The following AKAP9 variants were observed in gnomAD, a reference collection of about 807,000 sequenced individuals.
The protein encoded by AKAP9 is A-kinase anchoring protein 9, also known as A-kinase anchor protein 9.
A neutral mutation model predicts 488.5 loss-of-function variants in AKAP9; 311 were observed. The ratio of observed to expected loss-of-function variants is 0.64; its 90% confidence interval spans 0.58 to 0.70. The LOEUF (loss-of-function observed/expected upper bound fraction) is 0.70, where lower values mean the gene tolerates loss of function less well. Ranked by LOEUF, AKAP9 falls within the 30% of genes least tolerant of loss-of-function variation. The probability of loss-of-function intolerance (pLI) is 0.00; values close to 1 mark genes in which losing one functional copy is unlikely to be tolerated. For missense variants in AKAP9, 4,215 were observed against 4,374.5 expected, an observed-to-expected ratio of 0.96 and a Z score of 1.03; for synonymous variants, 1,462 against 1,483.5, an observed-to-expected ratio of 0.99 and a Z score of 0.33.
At position 92,044,997 on chromosome 7, in the gene AKAP9, T is replaced by C. The variant is rs147857156; in HGVS notation, c.5163-11T>C. 15 of 1,594,154 alleles carry C rather than the reference T, an allele frequency of 9.4e-6. No homozygotes were observed. The East Asian group carries it at 2.5e-4, about 26-fold the overall frequency. ...TTAAACATTTTAATCAGTGCTTCTT[T>C]ATCTATACAGGTATGCACTCCAGAA... On this transcript the variant is annotated splice_polypyrimidine_tract_variant and intron_variant, in intron 20 of 49. Transcript: ENST00000356239.
chr7:92,062,349 G>T lies in AKAP9; in HGVS notation c.5840G>T (p.Arg1947Leu), dbSNP rs762609050. The T allele has an allele frequency of 6.2e-7, 1 of 1,613,862 alleles. No individual in the cohort carries two copies. The highest frequency in any genetic ancestry group is 8.5e-7 in the Non-Finnish European group (1 of 1,179,822). ...QIQEKTDIID[R>L]LEQELLCASN... is the part of the protein sequence containing the mutation. ...CAGGAAAAAACTGATATAATAGATC[G>T]TCTTGAGCAGGAGTTGTTATGTGCA... The change falls in exon 24 of 50, where the codon CGT becomes CTT. Residue 1947 changes from arginine (R) to leucine (L), a missense_variant. Around this residue, in one of 5 missense-constraint regions of AKAP9, gnomAD observed 2,361 missense variants for 2,430.0 expected, o/e 0.97. Transcript: ENST00000356239.
At chr7:92,045,924 C>T (rs1806915258) in intron 21 of AKAP9, among the ~76,000 whole-genome samples, 1 of 147,568 alleles carries the variant, frequency 6.8e-6, no homozygotes, top group South Asian at 2.1e-4. Context: ...ACCTCTGTCT[C>T]CCGGGTTCAA....
chr7:92,001,923 G>A lies in AKAP9; in HGVS notation c.2006G>A (p.Gly669Asp), dbSNP rs570010892. 2 of 1,612,758 alleles carry A rather than the reference G, an allele frequency of 1.2e-6. No individual in the cohort carries two copies. Among genetic ancestry groups the A allele is most frequent in the South Asian group, 2.2e-5 (2 of 90,958 alleles). Residue 669 changes from glycine (G) to aspartate (D), a missense_variant, in exon 8 of 50, where the codon GGT becomes GAT. Around this residue, in one of 5 missense-constraint regions of AKAP9, gnomAD observed 2,361 missense variants for 2,430.0 expected, o/e 0.97. Coordinates refer to ENST00000356239, the MANE Select transcript of AKAP9 (RefSeq NM_005751.5). ...LGIHYKQQID[G>D]LQNEMSQKIE... is the part of the protein sequence containing the mutation. ...ATTCACTATAAACAGCAGATAGATG[G>A]TTTACAGAATGAAATGAGTCAAAAG...
At chr7:92,109,049 GA>G (rs36114838) in intron 49 of AKAP9, 70,805 of 174,784 alleles carry the variant, frequency 0.41, 8,360 homozygotes, top group Middle Eastern at 0.45. Context: ...CTGTCTCAAA[GA>G]AAAAAAAAAA....
At chr7:92,105,511 G>A (rs777319322) in intron 46 of AKAP9, among the ~76,000 whole-genome samples, 167 bp from the exon 47 acceptor site, 6 of 152,034 alleles carry the variant, frequency 3.9e-5, no homozygotes, top group East Asian at 1.9e-4. Flanking sequence ...CTATTCTTCC[G>A]TTCCAGTTGA....
Position 91,995,800 on chromosome 7 carries a change from G to A in AKAP9, c.930G>A (p.Met310Ile), listed in dbSNP as rs768608735. ...AAGAGAAAATTAAAGTATATGAAAT[G>A]GTATGTTTATTTTAAGGAAGTCAGC... ...FLQEKIKVYEMEQDKKVENSN... is the reference protein window; with the variant it reads ...FLQEKIKVYEIEQDKKVENSN... The change falls in exon 7 of 50, where the codon ATG becomes ATA. Residue 310 changes from methionine to isoleucine, a missense_variant and splice_region_variant. Met to Ile is a conservative substitution (Grantham distance 10, BLOSUM62 1). Transcript: ENST00000356239. The A allele has an allele frequency of 2.5e-6, 4 of 1,596,514 alleles. No individual in the cohort carries two copies. In the African/African-American group the frequency reaches 5.4e-5, roughly 21 times the overall value.
Position 92,026,905 on chromosome 7 carries a change from G to A in AKAP9, c.4149-2990G>A, listed in dbSNP as rs560625557. Among the ~76,000 whole-genome samples the A allele has an allele frequency of 2.7e-5, 4 of 146,926 alleles. No individual in the cohort carries two copies. The South Asian group carries it at 6.6e-4, about 24-fold the overall frequency. ...AAGTGAGGAGCATCTCTGCCTGGCC[G>A]CCCATCGTCTGGGATGTGGGGAGCG... On this transcript the variant is annotated intron_variant, in intron 14 of 49. Transcript: ENST00000356239.
At chr7:91,946,481 C>T (rs920892671) in intron 1 of AKAP9, among the ~76,000 whole-genome samples, 5 of 151,510 alleles carry the variant, frequency 3.3e-5, no homozygotes, top group African/African-American at 1.2e-4. Flanking sequence ...AAGTGATCCT[C>T]CTGCCTCAAC....
chr7:92,091,585 C>CAA (rs796606265), intron 38 of AKAP9, among the ~76,000 whole-genome samples: 320 of 21,768 alleles, frequency 0.015, 13 homozygotes, highest in Middle Eastern at 0.028. Context: ...GACTCTGTCT[C>CAA]AAAAAAAAAA....
chr7:91,979,968 T>C (rs890825697), intron 2 of AKAP9, among the ~76,000 whole-genome samples: 8 of 152,200 alleles, frequency 5.3e-5, no homozygotes, highest in African/African-American at 1.7e-4. Context: ...AAGAGGGGGC[T>C]ACTGTATGAG....
At chr7:92,053,532 C>T (rs1220164633) in intron 22 of AKAP9, among the ~76,000 whole-genome samples, 1 of 152,140 alleles carries the variant, frequency 6.6e-6, no homozygotes, top group Non-Finnish European at 1.5e-5. Flanking sequence ...CTGAAACATT[C>T]ATTTCCCCAG....
intron 1 of AKAP9, 76 bp from the exon 2 acceptor site, chr7:91,973,635 C>T: frequency 6.7e-7 from 1 of 1,492,698 alleles, no homozygotes; most frequent in South Asian, 1.2e-5. Context: ...AAGAGAGACT[C>T]CCAAAGCTGC....
At chr7:92,105,967 T>G (rs1186098455) in intron 47 of AKAP9, among the ~76,000 whole-genome samples, 1 of 152,248 alleles carries the variant, frequency 6.6e-6, no homozygotes, top group Non-Finnish European at 1.5e-5. Flanking sequence ...ACAAATCCTA[T>G]TGTGAACTGC....
chr7:92,095,277 G>C (rs965802528), intron 40 of AKAP9, 104 bp downstream of exon 40: 7 of 1,295,672 alleles, frequency 5.4e-6, no homozygotes, highest in Admixed American at 1.9e-5. Flanking sequence ...TTCTTAATAA[G>C]ATATGGTAAG....
rs760043880 is a variant in AKAP9 at position 92,022,943 on chromosome 7, A to G, written c.4082A>G (p.Tyr1361Cys). Residue 1361 changes from tyrosine to cysteine, a missense_variant, in exon 14 of 50, where the codon TAT becomes TGT. This residue lies in a region of AKAP9 where 2,361 missense variants were observed against 2,430.0 expected (regional missense o/e 0.97). Transcript: ENST00000356239. Reference sequence around the variant, plus strand: ...CAGTTGAAAGAAACTGAACAAAACTATGAGGCAGAGATCCACTGTTTACAG... The same window carrying G: ...CAGTTGAAAGAAACTGAACAAAACTGTGAGGCAGAGATCCACTGTTTACAG... Reference protein sequence around the residue: ...QQQLKETEQNYEAEIHCLQKR... With the variant: ...QQQLKETEQNCEAEIHCLQKR... 18 of 1,613,950 alleles carry G rather than the reference A, an allele frequency of 1.1e-5. No individual in the cohort carries two copies. Among genetic ancestry groups the G allele is most frequent in the Non-Finnish European group, 8.5e-6 (10 of 1,179,960 alleles).
At chr7:91,963,717 G>T (rs576833176) in intron 1 of AKAP9, among the ~76,000 whole-genome samples, 1 of 152,008 alleles carries the variant, frequency 6.6e-6, no homozygotes, top group Non-Finnish European at 1.5e-5. Flanking sequence ...ATGTGGTTTC[G>T]CCGTGTTAGG....
chr7:92,002,999 AGC>A lies in AKAP9; in HGVS notation c.3083_3084del (p.Ser1028LysfsTer4). 7 of 1,613,552 alleles carry A rather than the reference AGC, an allele frequency of 4.3e-6. No individual in the cohort carries two copies. Among genetic ancestry groups the A allele is most frequent in the Non-Finnish European group, 5.9e-6 (7 of 1,179,622 alleles). ...SLLDGVVTMTSRGAEGSVSKV... is the reference protein window; with the variant it reads ...SLLDGVVTMTXRGAEGSVSKV... The stretch of plus-strand genomic sequence containing the variant: ...ATTAGATGGAGTTGTGACCATGACA[AGC>A]AGGGGTGCTGAAGGATCAGTTTCTA... On this transcript the variant is annotated frameshift_variant, in exon 8 of 50. Coordinates refer to ENST00000356239, the MANE Select transcript of AKAP9 (RefSeq NM_005751.5). LOFTEE classifies it high-confidence loss of function.
intron 10 of AKAP9, among the ~76,000 whole-genome samples, chr7:92,015,540 T>G (rs1801390350): frequency 6.6e-6 from 1 of 151,800 alleles, no homozygotes; most frequent in Non-Finnish European, 1.5e-5. Context: ...ATTTTTGTAT[T>G]TTTAGTAGAG....
At chr7:91,999,867 T>C (rs1434164607) in intron 7 of AKAP9, among the ~76,000 whole-genome samples, 2 of 152,064 alleles carry the variant, frequency 1.3e-5, no homozygotes, top group Admixed American at 1.3e-4. Context: ...CATTCATTCA[T>C]TCATTCATTC....
Sources: allele counts gnomAD v4.1 joint callset (sites outside exome capture counted in the v4.1 genomes callset), GRCh38; gene constraint gnomAD v4.1.1; regional missense constraint gnomAD v4.1.1; transcripts MANE v1.5; gene names NCBI Gene and HGNC (gene_info 2026-07-23, HGNC 2026-07-21).